The following KIF26B variants were observed in gnomAD, a reference collection of about 807,000 sequenced individuals.
KIF26B encodes the protein kinesin-like protein KIF26B.
KIF26B carries 63 observed loss-of-function variants against 151.2 expected under a neutral mutation model. The ratio of observed to expected loss-of-function variants is 0.42; its 90% CI spans 0.34 to 0.51. KIF26B has a LOEUF of 0.51. KIF26B is among the 20% of genes least tolerant of loss of function. The pLI is 0.07. For synonymous variants in KIF26B, 1,357 were observed against 1,262.1 expected, an observed-to-expected ratio of 1.08 and a Z score of -1.59; for missense variants, 2,813 against 2,913.6, an observed-to-expected ratio of 0.97 and a Z score of 0.79.
In KIF26B at chr1:245,708,650, T is replaced by C. The variant is rs933049911; in HGVS notation, c.*6044T>C. 14 of 152,232 alleles carry C rather than the reference T, an allele frequency of 9.2e-5. No homozygotes were observed. The highest frequency in any genetic ancestry group is 3.9e-4 in the East Asian group (2 of 5,194). The allele number at this position is 152,232 out of a possible 1,614,324, so 9.4% of individuals were successfully genotyped here. A position where few individuals can be genotyped will look rare whatever the true frequency, so the allele number is the denominator to read the frequency against. ...GTCATCCTGTCCGTGATATATTCCA[T>C]AGGACAGAAAACCTGAGTTCTAATT... On this transcript the variant is annotated 3_prime_UTR_variant, in exon 15 of 15. Coordinates refer to ENST00000407071, the MANE Select transcript of KIF26B (RefSeq NM_018012.4).
At chr1:245,202,941 CAA>C (rs74163024) in intron 2 of KIF26B, among the ~76,000 whole-genome samples, 78,567 of 134,160 alleles carry the variant, frequency 0.59, 22,152 homozygotes, top group Non-Finnish European at 0.68. Context: ...GACTCTGTCT[CAA>C]AAAAAACAAA....
chr1:245,361,301 T>C (rs372295107), intron 2 of KIF26B, among the ~76,000 whole-genome samples: 2 of 152,344 alleles, frequency 1.3e-5, no homozygotes, highest in African/African-American at 4.8e-5. Context: ...GCAGAATCAC[T>C]TAGGCTGAGC....
In KIF26B at chr1:245,589,387, C is replaced by A. The variant is rs58295468; in HGVS notation, c.1351-13190C>A. Among the ~76,000 whole-genome samples the A allele has an allele frequency of 2.8e-4, 43 of 152,264 alleles. No individual in the cohort carries two copies. The East Asian group carries it at 6.8e-3, about 24-fold the overall frequency. The stretch of plus-strand genomic sequence containing the variant: ...GCCTTTATGATGAACTGAATGCGGT[C>A]TGTATTTACGTGCCTGCCATCTGTC... On this transcript the variant is annotated intron_variant, in intron 5 of 14. Transcript: ENST00000407071.
chr1:245,195,574 C>T (rs1669176435), intron 2 of KIF26B, among the ~76,000 whole-genome samples: 1 of 152,200 alleles, frequency 6.6e-6, no homozygotes, highest in African/African-American at 2.4e-5. Flanking sequence ...CCTTTGATCT[C>T]CTCAGCGGAG....
At chr1:245,582,143 G>A (rs1047378899) in intron 5 of KIF26B, among the ~76,000 whole-genome samples, 3 of 152,262 alleles carry the variant, frequency 2.0e-5, no homozygotes, top group Middle Eastern at 3.4e-3. Flanking sequence ...CAGGGAGCCC[G>A]ATGCTGAACT....
chr1:245,623,612 C>A (rs780616687), intron 9 of KIF26B, among the ~76,000 whole-genome samples: 3 of 152,088 alleles, frequency 2.0e-5, no homozygotes, highest in Non-Finnish European at 2.9e-5. Context: ...TTGTGAGCGC[C>A]AAATGACATC....
intron 4 of KIF26B, among the ~76,000 whole-genome samples, chr1:245,496,524 G>A (rs1660516640): frequency 6.6e-6 from 1 of 152,078 alleles, no homozygotes; most frequent in African/African-American, 2.4e-5. Context: ...ATAGGTCAAG[G>A]ACACATAATG....
At chr1:245,254,713 T>A (rs537080463) in intron 2 of KIF26B, among the ~76,000 whole-genome samples, 1 of 152,276 alleles carries the variant, frequency 6.6e-6, no homozygotes, top group Non-Finnish European at 1.5e-5. Context: ...TTTGTGGAGC[T>A]GTTCTGATGC....
intron 4 of KIF26B, among the ~76,000 whole-genome samples, chr1:245,451,851 C>A: frequency 6.6e-6 from 1 of 152,144 alleles, no homozygotes; most frequent in Middle Eastern, 3.4e-3. Flanking sequence ...CCACCCACCT[C>A]GGCCTCCCAA....
At chr1:245,287,599 G>A (rs1309740392) in intron 2 of KIF26B, among the ~76,000 whole-genome samples, 1 of 151,130 alleles carries the variant, frequency 6.6e-6, no homozygotes, top group Non-Finnish European at 1.5e-5. Context: ...CACCTCCTGG[G>A]TTCAAGTGAT....
chr1:245,419,351 C>T (rs967294976), intron 3 of KIF26B, among the ~76,000 whole-genome samples: 2 of 152,158 alleles, frequency 1.3e-5, no homozygotes, highest in Non-Finnish European at 2.9e-5. Context: ...CTTACAATGT[C>T]GGGGGATAAT....
At chr1:245,365,017 C>G (rs896230996) in intron 2 of KIF26B, among the ~76,000 whole-genome samples, 2 of 152,218 alleles carry the variant, frequency 1.3e-5, no homozygotes, top group African/African-American at 4.8e-5. Context: ...GGCTCTTTGG[C>G]TTAAAGTGAA....
At chr1:245,245,660 C>G (rs535409527) in intron 2 of KIF26B, among the ~76,000 whole-genome samples, 1 of 152,008 alleles carries the variant, frequency 6.6e-6, no homozygotes, top group African/African-American at 2.4e-5. Context: ...TTGCTGGGTG[C>G]GGTGGCTCAT....
At chr1:245,443,322 T>C (rs1659162634) in intron 4 of KIF26B, among the ~76,000 whole-genome samples, 1 of 147,574 alleles carries the variant, frequency 6.8e-6, no homozygotes, top group African/African-American at 2.5e-5. Flanking sequence ...CCTAAAGCGG[T>C]CATCTCCCTC....
intron 4 of KIF26B, among the ~76,000 whole-genome samples, chr1:245,453,034 T>C (rs1217171200): frequency 6.6e-6 from 1 of 152,158 alleles, no homozygotes; most frequent in Non-Finnish European, 1.5e-5. Flanking sequence ...TACCTGTATG[T>C]TTTCTCCTAA....
Position 245,155,468 on chromosome 1 carries a change from C to G in KIF26B, c.44C>G (p.Thr15Ser), listed in dbSNP as rs770358602. ...AGNKERLAVS[T>S]RGKKYGVNEV... Reference sequence around the variant, plus strand: ...AATAAAGAGAGGCTTGCGGTCTCCACCAGGGGCAAGAAATACGGGGTAAGT... The same window carrying G: ...AATAAAGAGAGGCTTGCGGTCTCCAGCAGGGGCAAGAAATACGGGGTAAGT... The change falls in exon 1 of 15, where the codon ACC becomes AGC. Residue 15 changes from threonine (T) to serine (S), a missense_variant. Around this residue, in one of 3 missense-constraint regions of KIF26B, gnomAD observed 676 missense variants for 688.1 expected, o/e 0.98. Coordinates refer to ENST00000407071, the MANE Select transcript of KIF26B (RefSeq NM_018012.4). The G allele has an allele frequency of 5.5e-5, 89 of 1,611,894 alleles. 2 individuals carry two copies. The highest frequency in any genetic ancestry group is 1.4e-4 in the South Asian group (13 of 90,636).
intron 2 of KIF26B, among the ~76,000 whole-genome samples, chr1:245,231,833 T>C (rs1670005419): frequency 6.6e-6 from 1 of 152,228 alleles, no homozygotes; most frequent in African/African-American, 2.4e-5. Context: ...AACAATGTTT[T>C]CAAGAAAGGT....
intron 4 of KIF26B, among the ~76,000 whole-genome samples, chr1:245,475,302 A>G (rs1660010571): frequency 2.0e-5 from 3 of 151,782 alleles, no homozygotes; most frequent in Admixed American, 2.0e-4. Flanking sequence ...ATACTTGTAC[A>G]TGCTTCTTGG....
intron 2 of KIF26B, among the ~76,000 whole-genome samples, chr1:245,325,288 G>A (rs1311329098): frequency 6.6e-6 from 1 of 152,104 alleles, no homozygotes; most frequent in Non-Finnish European, 1.5e-5. Context: ...GCAGTTTCAT[G>A]TAGTTGCACC....
Sources: gnomAD v4.1 joint callset for allele counts (sites outside exome capture counted in the v4.1 genomes callset) on GRCh38, gnomAD v4.1.1 for gene constraint, gnomAD v4.1.1 regional missense constraint, MANE v1.5 for transcripts, NCBI Gene and HGNC (gene_info 2026-07-23, HGNC 2026-07-21) for gene names.